Variants in SIPA1L3 observed in about 807,000 individuals in gnomAD.
SIPA1L3 encodes the protein signal induced proliferation associated 1 like 3, also known as signal-induced proliferation-associated 1-like protein 3.
A neutral mutation model predicts 150.1 loss-of-function variants in SIPA1L3; 59 were observed. The observed-to-expected ratio is 0.39, with a 90% confidence interval of 0.32 to 0.49. The LOEUF (loss-of-function observed/expected upper bound fraction) is 0.49. Ranked by LOEUF, SIPA1L3 falls within the 20% of genes least tolerant of loss-of-function variation. The pLI, the probability that SIPA1L3 is intolerant of heterozygous loss-of-function variation, is 0.86. For synonymous variants in SIPA1L3, 1,070 were observed against 1,077.6 expected (o/e 0.99, Z 0.14); for missense variants, 2,211 against 2,489.5 (o/e 0.89, Z 2.38).
At chr19:38,122,007 G>T (rs1971032844) in intron 9 of SIPA1L3, among the ~76,000 whole-genome samples, 1 of 151,460 alleles carries the variant, frequency 6.6e-6, no homozygotes, top group African/African-American at 2.4e-5. Context: ...GATTATTTCA[G>T]GTCAGGGGTT....
Position 38,081,943 on chromosome 19 carries a change from C to G in SIPA1L3, c.378C>G (p.Pro126=). 1.9e-6 allele frequency: 3 copies of G among 1,614,166 alleles called. No homozygotes were observed. The highest frequency in any genetic ancestry group is 2.5e-6 in the Non-Finnish European group (3 of 1,179,992). Residue 126 remains proline, a synonymous_variant, in exon 3 of 22, where the codon CCC becomes CCG. Transcript: ENST00000222345. The part of the protein sequence containing the change: ...SMRSIQNGQP[P]TSTPASSGSK... ...GGAGCATACAGAACGGACAGCCCCC[C>G]ACCAGCACCCCGGCTTCCTCAGGGT...
At chr19:37,951,513 A>G (rs537262143) in intron 1 of SIPA1L3, among the ~76,000 whole-genome samples, 4 of 152,176 alleles carry the variant, frequency 2.6e-5, no homozygotes, top group African/African-American at 7.2e-5. Context: ...CTCTTTACAG[A>G]TTATTTTCAT....
chr19:38,198,636 C>T (rs889126202), intron 19 of SIPA1L3, 104 bp downstream of exon 19: 2 of 1,170,894 alleles, frequency 1.7e-6, no homozygotes, highest in Admixed American at 3.5e-5. Context: ...ACTCAGGTTC[C>T]AGAATCAGGG....
intron 12 of SIPA1L3, among the ~76,000 whole-genome samples, chr19:38,150,265 T>C (rs1029290529): frequency 5.3e-5 from 8 of 152,082 alleles, no homozygotes; most frequent in Admixed American, 2.0e-4. Context: ...TCCTGGCAAG[T>C]GAGTGGAGTT....
chr19:37,989,548 T>G (rs1967445921), intron 1 of SIPA1L3, among the ~76,000 whole-genome samples: 1 of 152,156 alleles, frequency 6.6e-6, no homozygotes, highest in Non-Finnish European at 1.5e-5. Flanking sequence ...GCACCTATCT[T>G]GAGCTCCATT....
chr19:37,971,641 C>T (rs1332922737), intron 1 of SIPA1L3, among the ~76,000 whole-genome samples: 2 of 151,992 alleles, frequency 1.3e-5, no homozygotes, highest in East Asian at 3.9e-4. Context: ...TCTCGGCTCA[C>T]TGCTACTTCG....
At chr19:38,204,291 G>T in intron 21 of SIPA1L3, 83 bp downstream of exon 21, 1 of 1,164,738 alleles carries the variant, frequency 8.6e-7, no homozygotes, top group South Asian at 1.4e-5. Context: ...ACCTGCCCCC[G>T]CCATGCAGGA....
chr19:38,028,841 C>T (rs1968576633), intron 1 of SIPA1L3, among the ~76,000 whole-genome samples: 1 of 151,980 alleles, frequency 6.6e-6, no homozygotes, highest in Non-Finnish European at 1.5e-5. Flanking sequence ...GACAGGCGCC[C>T]ACCACCACGC....
At chr19:37,960,712 C>T (rs1271314684) in intron 1 of SIPA1L3, among the ~76,000 whole-genome samples, 1 of 151,310 alleles carries the variant, frequency 6.6e-6, no homozygotes, top group East Asian at 2.0e-4. Context: ...CAGCCTCACA[C>T]TCAGCTAATT....
chr19:38,023,612 C>T (rs532836000), intron 1 of SIPA1L3, among the ~76,000 whole-genome samples: 9 of 152,320 alleles, frequency 5.9e-5, no homozygotes, highest in Admixed American at 1.3e-4. Context: ...GATGATTGAA[C>T]CACTTTATTA....
intron 2 of SIPA1L3, among the ~76,000 whole-genome samples, chr19:38,031,539 A>T (rs1392857088): frequency 6.6e-6 from 1 of 152,086 alleles, no homozygotes; most frequent in South Asian, 2.1e-4. Flanking sequence ...GAGGTTATTC[A>T]TTATTTGGAA....
intron 1 of SIPA1L3, among the ~76,000 whole-genome samples, chr19:37,936,740 G>A (rs942059942): frequency 6.6e-6 from 1 of 152,178 alleles, no homozygotes; most frequent in African/African-American, 2.4e-5. Context: ...GTCTCTCCTG[G>A]TCTGGCTCTG....
rs1404590288 is a variant in SIPA1L3, at chr19:38,182,688, A to G, written c.4378A>G (p.Lys1460Glu). 1.2e-6 allele frequency: 2 copies of G among 1,614,046 alleles called. No homozygotes were observed. The highest frequency in any genetic ancestry group is 1.7e-5 in the Admixed American group (1 of 60,004). Residue 1460 changes from lysine (K) to glutamate (E), a missense_variant, in exon 16 of 22, where the codon AAG (lysine) becomes GAG (glutamate). Around this residue, in one of 5 missense-constraint regions of SIPA1L3, gnomAD observed 806 missense variants for 870.1 expected, o/e 0.93. Coordinates refer to ENST00000222345, the MANE Select transcript of SIPA1L3 (RefSeq NM_015073.3). ...ACGCAATAAGCACCCAACAGGGTGG[A>G]AGAGAACGGAGGAGCCCCCACCACG... ...PVRNKHPTGW[K>E]RTEEPPPRPL...
At chr19:38,080,926 T>C (rs1969962546) in intron 2 of SIPA1L3, among the ~76,000 whole-genome samples, 2 of 150,162 alleles carry the variant, frequency 1.3e-5, no homozygotes, top group Admixed American at 1.3e-4. Flanking sequence ...GCCAAGCACA[T>C]GCCACTGCAC....
intron 15 of SIPA1L3, among the ~76,000 whole-genome samples, chr19:38,166,884 C>CT (rs1041146658): frequency 2.2e-4 from 33 of 152,032 alleles, no homozygotes; most frequent in African/African-American, 6.0e-4. Flanking sequence ...ACTCAGACTT[C>CT]TGACCACAGT....
intron 8 of SIPA1L3, among the ~76,000 whole-genome samples, chr19:38,111,127 C>T (rs749823635): frequency 5.3e-5 from 8 of 151,488 alleles, no homozygotes; most frequent in Non-Finnish European, 8.8e-5. Flanking sequence ...CGGGCTCAAA[C>T]GATCCTCCTG....
chr19:37,927,673 G>A (rs2046517325), intron 1 of SIPA1L3, among the ~76,000 whole-genome samples: 1 of 150,058 alleles, frequency 6.7e-6, no homozygotes, highest in Non-Finnish European at 1.5e-5. Context: ...GTGTGTGTGT[G>A]TGTGTGTGTG....
At chr19:37,913,141 A>G (rs1568461602) in intron 1 of SIPA1L3, among the ~76,000 whole-genome samples, 1 of 152,200 alleles carries the variant, frequency 6.6e-6, no homozygotes, top group Admixed American at 6.5e-5. Context: ...CAAAATGGGT[A>G]TGATAGTAGT....
intron 1 of SIPA1L3, among the ~76,000 whole-genome samples, chr19:37,973,556 C>CCGG (rs1555772338): frequency 2.4e-5 from 1 of 40,950 alleles, no homozygotes; most frequent in African/African-American, 1.1e-4. Context: ...AAAAAAAAAG[C>CCGG]GGGAGGGGGG....
Sources: gnomAD v4.1 joint callset for allele counts (sites outside exome capture counted in the v4.1 genomes callset) on GRCh38, gnomAD v4.1.1 for gene constraint, gnomAD v4.1.1 regional missense constraint, MANE v1.5 for transcripts, NCBI Gene and HGNC (gene_info 2026-07-23, HGNC 2026-07-21) for gene names.